Variants in DPP6 observed in about 807,000 individuals in gnomAD.
DPP6 encodes dipeptidyl peptidase like 6, also known as A-type potassium channel modulatory protein DPP6.
DPP6 carries 69 observed loss-of-function variants against 122.6 expected under a neutral mutation model. The observed-to-expected ratio is 0.56, with a 90% CI of 0.46 to 0.69. The LOEUF (loss-of-function observed/expected upper bound fraction) is 0.69. Among genes scored for constraint, DPP6 ranks in the 30% least tolerant of loss-of-function variants. The pLI, the probability that DPP6 is intolerant of heterozygous loss-of-function variation, is 0.00. For synonymous variants in DPP6, 418 were observed against 433.1 expected, an observed-to-expected ratio of 0.97 and a Z score of 0.43; for missense variants, 928 against 1,116.9, an observed-to-expected ratio of 0.83 and a Z score of 2.41.
At chr7:154,756,821 G>A (rs1196969967) in intron 8 of DPP6, among the ~76,000 whole-genome samples, 5 of 151,980 alleles carry the variant, frequency 3.3e-5, no homozygotes, top group African/African-American at 1.2e-4. Context: ...AAAAATGAAG[G>A]CGCATTAGGC....
intron 1 of DPP6, among the ~76,000 whole-genome samples, chr7:154,235,679 GA>G (rs1801169086): frequency 6.6e-6 from 1 of 152,098 alleles, no homozygotes; most frequent in African/African-American, 2.4e-5. Flanking sequence ...CCAAAAGCTA[GA>G]ATCCCTGTTT....
intron 1 of DPP6, among the ~76,000 whole-genome samples, chr7:154,159,035 C>T (rs1368090422): frequency 6.6e-6 from 1 of 152,140 alleles, no homozygotes; most frequent in Non-Finnish European, 1.5e-5. Flanking sequence ...AGAGAATCAA[C>T]CTCCCATCTC....
chr7:154,296,844 T>C (rs1805572183), intron 1 of DPP6, among the ~76,000 whole-genome samples: 1 of 152,238 alleles, frequency 6.6e-6, no homozygotes, highest in Admixed American at 6.5e-5. Context: ...AATTGGATAC[T>C]GAGCCCTGTT....
At position 154,284,206 on chromosome 7, in the gene DPP6, A is replaced by G. The variant is rs367793813; in HGVS notation, c.244-162008A>G. On this transcript the variant is annotated intron_variant, in intron 1 of 25. Coordinates refer to ENST00000377770, the MANE Select transcript of DPP6 (RefSeq NM_130797.4). ...GGACTGTGAGATGCCTGTGTAGGTG[A>G]GTCTTTGCTGATTTATAGACTCAAT... is the stretch of plus-strand genomic sequence containing the variant. Among the ~76,000 whole-genome samples, 5 of 152,118 alleles carry G rather than the reference A, an allele frequency of 3.3e-5. No individual in the cohort carries two copies. The South Asian group carries it at 8.3e-4, about 25-fold the overall frequency.
At position 154,833,696 on chromosome 7, in the gene DPP6, C is replaced by T. The variant is rs188412102; in HGVS notation, c.1667-20084C>T. ...ATGGGGAGAATTCACCTCTTGTTTC[C>T]GATGCCTGGCAACATAAATTCACAT... On this transcript the variant is annotated intron_variant, in intron 16 of 25. Transcript: ENST00000377770. The surrounding 1 kb of genome is among the most constrained non-coding windows in gnomAD (Gnocchi z 4.3). 3.3e-5 allele frequency among the ~76,000 whole-genome samples: 5 copies of T among 152,204 alleles called. No homozygotes were observed. The highest frequency in any genetic ancestry group is 1.3e-4 in the Admixed American group (2 of 15,292).
chr7:154,565,313 G>C (rs1372725302), intron 4 of DPP6, among the ~76,000 whole-genome samples: 1 of 152,166 alleles, frequency 6.6e-6, no homozygotes, highest in Non-Finnish European at 1.5e-5. Flanking sequence ...TGACTTTATA[G>C]AACAAAGCAA....
Position 154,207,679 on chromosome 7 carries a change from A to G in DPP6, c.243+154616A>G, listed in dbSNP as rs113711864. Among the ~76,000 whole-genome samples the G allele has an allele frequency of 1.2e-3, 176 of 152,402 alleles. 1 individual carries two copies. The highest frequency in any genetic ancestry group is 3.9e-3 in the African/African-American group (162 of 41,600). On this transcript the variant is annotated intron_variant, in intron 1 of 25. Transcript: ENST00000377770. ...AACAAGTTTGACTGTAAACAAACCTAGAGCAATATACAGAGTATATCTGGA... is the reference window on the plus strand; with the variant it reads ...AACAAGTTTGACTGTAAACAAACCTGGAGCAATATACAGAGTATATCTGGA...
intron 18 of DPP6, among the ~76,000 whole-genome samples, chr7:154,871,016 C>T (rs1273953810): frequency 1.3e-5 from 2 of 150,688 alleles, no homozygotes; most frequent in African/African-American, 4.9e-5. Flanking sequence ...AATGGAGAAA[C>T]CATTGCCCCG....
At chr7:154,801,233 A>G in intron 12 of DPP6, 122 bp from the exon 13 acceptor site, 1 of 1,374,696 alleles carries the variant, frequency 7.3e-7, no homozygotes, top group Non-Finnish European at 9.9e-7. Context: ...TTATTATTTC[A>G]ACTGTTCCTC....
At chr7:154,558,873 G>C (rs1830223879) in intron 4 of DPP6, among the ~76,000 whole-genome samples, 1 of 152,160 alleles carries the variant, frequency 6.6e-6, no homozygotes, top group Admixed American at 6.5e-5. Flanking sequence ...CCTTGAATAA[G>C]TCAGGTTAAT....
At chr7:154,590,830 A>G (rs1328203058) in intron 5 of DPP6, among the ~76,000 whole-genome samples, 1 of 151,884 alleles carries the variant, frequency 6.6e-6, no homozygotes, top group South Asian at 2.1e-4. Flanking sequence ...CACCACGCCC[A>G]GCCGATACTA....
At chr7:153,814,386 C>T in the DPP6 span, among the ~76,000 whole-genome samples, 1 of 71,296 alleles carries the variant, frequency 1.4e-5, no homozygotes, top group Admixed American at 1.3e-4. Flanking sequence ...AACACATACA[C>T]CCTCCCAAGA....
At chr7:154,286,985 T>A (rs78469574) in intron 1 of DPP6, among the ~76,000 whole-genome samples, 4,427 of 152,132 alleles carry the variant, frequency 0.029, 219 homozygotes, top group African/African-American at 0.1. Context: ...GTATGTTTAG[T>A]AGAGACAGGG....
At chr7:154,747,304 T>A (rs368243635) in intron 8 of DPP6, among the ~76,000 whole-genome samples, 2 of 152,224 alleles carry the variant, frequency 1.3e-5, no homozygotes, top group African/African-American at 2.4e-5. Flanking sequence ...CTAAAAAACA[T>A]AGGCTCTTAG....
chr7:154,886,986 C>T (rs938269781), intron 22 of DPP6, among the ~76,000 whole-genome samples: 2 of 152,216 alleles, frequency 1.3e-5, no homozygotes, highest in Non-Finnish European at 2.9e-5. Flanking sequence ...TTGAGTGAGA[C>T]TTTCTTAATT....
chr7:154,884,627 A>ACACGTTCACACC (rs1464728194), intron 21 of DPP6: 1 of 151,418 alleles, frequency 6.6e-6, no homozygotes, highest in East Asian at 2.0e-4. Flanking sequence ...ATGCTCACAC[A>ACACGTTCACACC]GGCTCATACA....
At chr7:154,127,595 T>TCACA (rs1491450106) in intron 1 of DPP6, among the ~76,000 whole-genome samples, 1 of 57,710 alleles carries the variant, frequency 1.7e-5, no homozygotes, top group African/African-American at 7.6e-5. Flanking sequence ...AGGAGCAGCA[T>TCACA]CTCACACACA....
chr7:153,895,728 G>GCACACACACACACA (rs10599371), intron 1 of DPP6, among the ~76,000 whole-genome samples: 6 of 149,832 alleles, frequency 4.0e-5, no homozygotes, highest in African/African-American at 1.5e-4. Flanking sequence ...GTGCATGCGT[G>GCACACACACACACA]CACACACACA....
chr7:154,514,331 T>G (rs951825336), intron 3 of DPP6, among the ~76,000 whole-genome samples: 4 of 152,136 alleles, frequency 2.6e-5, no homozygotes, highest in African/African-American at 4.8e-5. Flanking sequence ...TCAGACCCTC[T>G]CCTTCTCATA....
Sources: allele counts gnomAD v4.1 joint callset (sites outside exome capture counted in the v4.1 genomes callset), GRCh38; gene constraint gnomAD v4.1.1; non-coding constraint Gnocchi (gnomAD v3.1); transcripts MANE v1.5; gene names NCBI Gene and HGNC (gene_info 2026-07-23, HGNC 2026-07-21).